The following PKD1 variants were observed in gnomAD, a reference collection of about 807,000 sequenced individuals.
PKD1 encodes the protein polycystin 1, transient receptor potential channel interacting.
In PKD1, 81 loss-of-function variants were observed where a neutral mutation model predicts 361.7. That is an observed-to-expected ratio of 0.22 (90% CI 0.19 to 0.27). The LOEUF (loss-of-function observed/expected upper bound fraction) is 0.27. PKD1 is among the 10% of genes least tolerant of loss of function. PKD1 has a pLI of 1.00. For synonymous variants in PKD1, 3,615 were observed against 2,818.3 expected, an observed-to-expected ratio of 1.28 and a Z score of -8.95; for missense variants, 6,399 against 6,118.3, an observed-to-expected ratio of 1.05 and a Z score of -1.53.
At chr16:2,105,682 C>T (rs1399210980) in intron 20 of PKD1, 183 bp downstream of exon 20, 6 of 1,356,152 alleles carry the variant, frequency 4.4e-6, no homozygotes, top group South Asian at 3.9e-5. Context: ...GGAAAGCAGA[C>T]GCCGGAGAGG....
In PKD1 at chr16:2,089,449, CTGA is replaced by C. The variant is rs1207464260; in HGVS notation, c.*275_*277del. 1.9e-6 allele frequency: 1 copy of C among 527,218 alleles called. No homozygotes were observed. Among genetic ancestry groups the C allele is most frequent in the East Asian group, 3.2e-5 (1 of 30,986 alleles). The allele number at this position is 527,218 out of a possible 1,614,324, so 32.7% of individuals were successfully genotyped here. On this transcript the variant is annotated 3_prime_UTR_variant, in exon 46 of 46. Transcript: ENST00000262304. ...TGGGGCCGGGCACAGCCCGCTGTAC[CTGA>C]GGACTCGGGGAAATAAATTAGCATC...
intron 1 of PKD1, among the ~76,000 whole-genome samples, chr16:2,123,676 C>T (rs1404896631): frequency 6.6e-6 from 1 of 151,872 alleles, no homozygotes; most frequent in Non-Finnish European, 1.5e-5. Flanking sequence ...CAGCAGGGCC[C>T]AGGCATCTGG....
chr16:2,102,301 G>A (rs1255991295), intron 25 of PKD1, 45 bp from the exon 26 acceptor site: 7 of 1,477,430 alleles, frequency 4.7e-6, no homozygotes, highest in South Asian at 2.4e-5. Flanking sequence ...CGTGCAAGCT[G>A]TGCCTTCTCA....
chr16:2,092,208 A>AG lies in PKD1; in HGVS notation c.11270-21dup. 7 of 1,574,630 alleles carry AG rather than the reference A, an allele frequency of 4.4e-6. No individual in the cohort carries two copies. Among genetic ancestry groups the AG allele is most frequent in the Non-Finnish European group, 5.2e-6 (6 of 1,161,780 alleles). On this transcript the variant is annotated intron_variant, in intron 39 of 45. Transcript: ENST00000262304. The stretch of plus-strand genomic sequence containing the variant: ...AGAGTGCTGAAACACACAGAGCCCC[A>AG]GGCCGGGGCCAGGGCCTCATCAAAA...
In PKD1 at chr16:2,103,835, G is replaced by A. The variant is rs1369472203; in HGVS notation, c.8222C>T (p.Ala2741Val). The stretch of plus-strand genomic sequence containing the variant: ...CGCCACCATCCGAGATGGTGACTCG[G>A]CTCCCAGCTCTGAGGGCTGTGGTGC... ...VRAPQPSELG[A>V]ESPSRMVASQ... The change falls in exon 23 of 46, where the codon GCC becomes GTC. Residue 2741 changes from alanine (A) to valine (V), a missense_variant. Ala to Val is a moderately conservative substitution (Grantham distance 64). Coordinates refer to ENST00000262304, the MANE Select transcript of PKD1 (RefSeq NM_001009944.3). 4.4e-6 allele frequency: 7 copies of A among 1,607,602 alleles called. No homozygotes were observed. The highest frequency in any genetic ancestry group is 1.4e-5 in the African/African-American group (1 of 74,024).
Position 2,108,957 on chromosome 16 carries a change from G to C in PKD1, c.6210C>G (p.Pro2070=). The change falls in exon 15 of 46, where the codon CCC becomes CCG. Residue 2070 remains proline, a synonymous_variant. Coordinates refer to ENST00000262304, the MANE Select transcript of PKD1 (RefSeq NM_001009944.3). The part of the protein sequence containing the change: ...AVQYVALQSG[P]CFTNRSAQFE... ...ACTGCGCCGAGCGGTTGGTGAAGCA[G>C]GGGCCGCTCTGCAGGGCCACATACT... 6.2e-7 allele frequency: 1 copy of C among 1,608,270 alleles called. No individual in the cohort carries two copies. The highest frequency in any genetic ancestry group is 8.5e-7 in the Non-Finnish European group (1 of 1,178,690).
intron 26 of PKD1, among the ~76,000 whole-genome samples, chr16:2,101,350 T>TAA (rs141568123): frequency 6.6e-6 from 1 of 151,668 alleles, no homozygotes; most frequent in African/African-American, 2.4e-5. Flanking sequence ...AGCACAGAGA[T>TAA]AAAAAATGGG....
rs9924796 is a variant in PKD1 at position 2,093,746 on chromosome 16, G to C, written c.10822-8C>G. 227 of 1,575,130 alleles carry C rather than the reference G, an allele frequency of 1.4e-4. No individual in the cohort carries two copies. In the African/African-American group the frequency reaches 2.7e-3, roughly 18 times the overall value. ...CAGGGCTTCCAGCAAGACCTGGGGA[G>C]GGGGTGGCTTCAGAGGGGTCCCCCG... On this transcript the variant is annotated splice_polypyrimidine_tract_variant and splice_region_variant and intron_variant, in intron 36 of 45. Transcript: ENST00000262304.
chr16:2,108,817 G>C lies in PKD1; in HGVS notation c.6350C>G (p.Pro2117Arg). 1 of 1,569,406 alleles carries C rather than the reference G, an allele frequency of 6.4e-7. No homozygotes were observed. The highest frequency in any genetic ancestry group is 8.6e-7 in the Non-Finnish European group (1 of 1,158,460). ...EPRAEHSYLR[P>R]GDYRVQVNAS... The stretch of plus-strand genomic sequence containing the variant: ...GTTCACCTGCACGCGGTAGTCCCCA[G>C]GCCTCAGGTAGGAGTGCTCGGCCCT... The change falls in exon 15 of 46, where the codon CCT becomes CGT. Residue 2117 changes from proline to arginine, a missense_variant. Physicochemically the swap from Pro to Arg is moderately radical, Grantham distance 103. Coordinates refer to ENST00000262304, the MANE Select transcript of PKD1 (RefSeq NM_001009944.3).
chr16:2,114,536 A>C lies in PKD1; in HGVS notation c.2487T>G (p.Pro829=), dbSNP rs769009101. The C allele has an allele frequency of 6.9e-6, 11 of 1,594,126 alleles. No homozygotes were observed. In the African/African-American group the frequency reaches 1.1e-4, roughly 15 times the overall value. ...CGTAGAGGCGGCCGTCGCGGGGGGC[A>C]GGGTAGATGACCCGCAGCCCAGCCA... The part of the protein sequence containing the change: ...SPVAGLRVIY[P]APRDGRLYVP... The change falls in exon 11 of 46, where the codon CCT becomes CCG. Residue 829 remains proline (P), a synonymous_variant. Transcript: ENST00000262304.
rs761231898 is a variant in PKD1 at position 2,112,322 on chromosome 16, C to A, written c.3295+18G>T. 1.3e-6 allele frequency: 2 copies of A among 1,583,054 alleles called. No homozygotes were observed. The highest frequency in any genetic ancestry group is 1.7e-6 in the Non-Finnish European group (2 of 1,171,306). ...AGAGCCTGAAAGGCAGTGGCCCCCT[C>A]ACCCCCTCATCCCTCACCTGGGGCA... On this transcript the variant is annotated intron_variant, in intron 14 of 45. Transcript: ENST00000262304.
At position 2,107,889 on chromosome 16, in the gene PKD1, G is replaced by T; in HGVS notation, c.7059C>A (p.Asn2353Lys). ...AGGGGCGGGCGGCACCCACCGTCTG[G>T]TTGGTGGCCTCCTCCTTGCGGCCGG... Reference protein sequence around the residue: ...WKAGRKEEATNQTVLIRSGRV... With the variant: ...WKAGRKEEATKQTVLIRSGRV... Residue 2353 changes from asparagine (N) to lysine (K), a missense_variant, in exon 16 of 46, where the codon AAC becomes AAA. Asn to Lys is a moderately conservative substitution (Grantham distance 94, BLOSUM62 0). Coordinates refer to ENST00000262304, the MANE Select transcript of PKD1 (RefSeq NM_001009944.3). 1.3e-6 allele frequency: 2 copies of T among 1,544,452 alleles called. No individual in the cohort carries two copies. The highest frequency in any genetic ancestry group is 1.7e-6 in the Non-Finnish European group (2 of 1,146,590).
chr16:2,102,944 G>A lies in PKD1; in HGVS notation c.8818C>T (p.Pro2940Ser). The A allele has an allele frequency of 3.1e-6, 5 of 1,607,396 alleles. No individual in the cohort carries two copies. Among genetic ancestry groups the A allele is most frequent in the Non-Finnish European group, 3.4e-6 (4 of 1,179,764 alleles). The stretch of plus-strand genomic sequence containing the variant: ...GAGTGTAGGTAGACTGCCAGGTAGG[G>A]CTCAGGTTCCTCAGACAGGTAGTGG... ...DGHYLSEEPE[P>S]YLAVYLHSEP... The change falls in exon 24 of 46, where the codon CCC (proline) becomes TCC (serine). Residue 2940 changes from proline to serine, a missense_variant. Physicochemically the swap from Pro to Ser is moderately conservative, Grantham distance 74. Coordinates refer to ENST00000262304, the MANE Select transcript of PKD1 (RefSeq NM_001009944.3).
rs763990985 is a variant in PKD1, at chr16:2,110,726, G to T, written c.4441C>A (p.Leu1481Met). 10 of 1,610,312 alleles carry T rather than the reference G, an allele frequency of 6.2e-6. No individual in the cohort carries two copies. The highest frequency in any genetic ancestry group is 3.3e-5 in the Admixed American group (2 of 59,998). ...IKVNGSLGLE[L>M]QQPYLFSAVG... The stretch of plus-strand genomic sequence containing the variant: ...GCAGAGAACAGGTACGGCTGCTGCA[G>T]CTCCAGCCCAAGGGAGCCATTGACC... The change falls in exon 15 of 46, where the codon CTG becomes ATG. Residue 1481 changes from leucine (L) to methionine (M), a missense_variant. Coordinates refer to ENST00000262304, the MANE Select transcript of PKD1 (RefSeq NM_001009944.3).
In PKD1 at chr16:2,117,563, C is replaced by T. The variant is rs759822811; in HGVS notation, c.1311G>A (p.Gln437=). The T allele has an allele frequency of 4.6e-5, 74 of 1,605,622 alleles. No homozygotes were observed. The highest frequency in any genetic ancestry group is 6.1e-5 in the Non-Finnish European group (72 of 1,177,500). ...TTGCCAGGGCGGCCCCGGCCCAGGCCTGACACTGCTCCTGCGCCTGCAGCC... is the reference window on the plus strand; with the variant it reads ...TTGCCAGGGCGGCCCCGGCCCAGGCTTGACACTGCTCCTGCGCCTGCAGCC... ...AAWLQAQEQC[Q]AWAGAALAMV... is the part of the protein sequence containing the mutation. Residue 437 remains glutamine (Q), a synonymous_variant, in exon 6 of 46, where the codon CAG becomes CAA. Transcript: ENST00000262304.
Position 2,108,252 on chromosome 16 carries a change from C to T in PKD1, c.6915G>A (p.Gln2305=), listed in dbSNP as rs1314643685. The T allele has an allele frequency of 3.8e-6, 6 of 1,597,956 alleles. No individual in the cohort carries two copies. Among genetic ancestry groups the T allele is most frequent in the Non-Finnish European group, 5.1e-6 (6 of 1,170,674 alleles). Residue 2305 remains glutamine (Q), a splice_region_variant and synonymous_variant, in exon 15 of 46, where the codon CAG becomes CAA. Transcript: ENST00000262304. ...GAGGACGGCCCTGCCACGCACTGACCTGTGTCGAAGCCACACAGGCCCAGT... is the reference window on the plus strand; with the variant it reads ...GAGGACGGCCCTGCCACGCACTGACTTGTGTCGAAGCCACACAGGCCCAGT... The part of the protein sequence containing the change: ...SFHWACVAST[Q]REAGGCALNF...
intron 1 of PKD1, among the ~76,000 whole-genome samples, chr16:2,127,270 G>A (rs897022180): frequency 6.6e-6 from 1 of 152,220 alleles, no homozygotes; most frequent in African/African-American, 2.4e-5. Context: ...AGTGAGGACG[G>A]TACTCGCGGC....
chr16:2,092,832 C>T (rs1256318024), intron 38 of PKD1, 122 bp downstream of exon 38: 1 of 1,243,706 alleles, frequency 8.0e-7, no homozygotes, highest in African/African-American at 1.5e-5. Context: ...GCCAGCAGCA[C>T]CTACCTCCAG....
Position 2,118,755 on chromosome 16 carries a change from G to C in PKD1, c.450C>G (p.Pro150=), listed in dbSNP as rs759627562. ...CAGGCCCAGCACACGTGGCTGCCTCGGGCTGCACCACCCGCACCTGCTGCT... is the reference window on the plus strand; with the variant it reads ...CAGGCCCAGCACACGTGGCTGCCTCCGGCTGCACCACCCGCACCTGCTGCT... ...AEEQQVRVVQ[P]EAATCAGPGS... Residue 150 remains proline, a synonymous_variant, in exon 4 of 46, where the codon CCC becomes CCG. Transcript: ENST00000262304. This position sits in a 1 kb window ranked among gnomAD's most constrained non-coding sequence, Gnocchi z 6.0. The C allele has an allele frequency of 2.2e-5, 32 of 1,434,608 alleles. 3 individuals are homozygous for C. In the South Asian group the frequency reaches 3.4e-4, roughly 15 times the overall value. 88.9% of individuals were successfully genotyped at this position (1,434,608 alleles called of 1,614,324 possible).
Sources: allele counts gnomAD v4.1 joint callset (sites outside exome capture counted in the v4.1 genomes callset), GRCh38; gene constraint gnomAD v4.1.1; non-coding constraint Gnocchi (gnomAD v3.1); transcripts MANE v1.5; gene names NCBI Gene and HGNC (gene_info 2026-07-23, HGNC 2026-07-21).